TRIO: variants seen among roughly 807,000 people sequenced by gnomAD.
TRIO encodes the protein triple functional domain protein.
A neutral mutation model predicts 351.9 loss-of-function variants in TRIO; 58 were observed. The observed-to-expected ratio is 0.16, with a 90% CI of 0.13 to 0.21. The LOEUF is 0.21. TRIO is among the 10% of genes least tolerant of loss of function. The pLI is 1.00. For synonymous variants in TRIO, 1,758 were observed against 1,595.7 expected (o/e 1.10, Z -2.42); for missense variants, 3,201 against 4,027.8 (o/e 0.79, Z 5.56).
At chr5:14,441,545 G>T (rs1221605074) in intron 34 of TRIO, among the ~76,000 whole-genome samples, 2 of 152,266 alleles carry the variant, frequency 1.3e-5, no homozygotes, top group African/African-American at 4.8e-5. Context: ...TTATGGGGGG[G>T]CCACTGGGAA....
At chr5:14,395,795 C>G (rs1325856577) in intron 28 of TRIO, among the ~76,000 whole-genome samples, 2 of 152,258 alleles carry the variant, frequency 1.3e-5, no homozygotes, top group East Asian at 3.9e-4. Context: ...GCTGTAATCC[C>G]AGCACTTTGG....
In TRIO at chr5:14,508,258, G is replaced by A. The variant is rs1459826824; in HGVS notation, c.9130G>A (p.Ala3044Thr). The A allele has an allele frequency of 2.5e-6, 4 of 1,613,924 alleles. No homozygotes were observed. Among genetic ancestry groups the A allele is most frequent in the Middle Eastern group, 1.6e-4 (1 of 6,084 alleles). The change falls in exon 57 of 57, where the codon GCC becomes ACC. Residue 3044 changes from alanine to threonine, a missense_variant. Physicochemically the swap from Ala to Thr is moderately conservative, Grantham distance 58. This residue lies in a region of TRIO where 233 missense variants were observed against 292.6 expected (regional missense o/e 0.80). Transcript: ENST00000344204. ...DPAKRPSAAL[A>T]LQEQWLQAGN... The stretch of plus-strand genomic sequence containing the variant: ...CGCCAAGCGTCCCTCGGCTGCGCTG[G>A]CCCTCCAGGAGCAGTGGCTGCAGGC...
At chr5:14,335,643 G>A (rs1741331844) in intron 10 of TRIO, among the ~76,000 whole-genome samples, 1 of 152,148 alleles carries the variant, frequency 6.6e-6, no homozygotes, top group African/African-American at 2.4e-5. Context: ...GGCTACTTTA[G>A]AGCCATTATA....
intron 11 of TRIO, among the ~76,000 whole-genome samples, chr5:14,349,494 C>T (rs11959397): frequency 0.095 from 14,497 of 152,070 alleles, 1,073 homozygotes; most frequent in African/African-American, 0.21. Context: ...TTTGGAATCC[C>T]ACTGAAGCCG....
chr5:14,214,526 T>G (rs1792107901), intron 1 of TRIO, among the ~76,000 whole-genome samples: 1 of 152,164 alleles, frequency 6.6e-6, no homozygotes, highest in Non-Finnish European at 1.5e-5. Context: ...AACACACAGT[T>G]TTTTGCAAAG....
intron 36 of TRIO, among the ~76,000 whole-genome samples, 196 bp downstream of exon 36, chr5:14,463,121 A>C (rs1252124712): frequency 6.6e-6 from 1 of 152,252 alleles, no homozygotes; most frequent in East Asian, 1.9e-4. Flanking sequence ...TTAGAATAGC[A>C]GTAGGCCAGC....
intron 11 of TRIO, among the ~76,000 whole-genome samples, chr5:14,349,087 G>A (rs896752936): frequency 5.3e-5 from 8 of 150,190 alleles, no homozygotes; most frequent in African/African-American, 2.0e-4. Context: ...ACATGAGCAT[G>A]TGTGTTTTTC....
intron 34 of TRIO, among the ~76,000 whole-genome samples, chr5:14,443,458 G>A (rs1579669716): frequency 6.6e-6 from 1 of 152,116 alleles, no homozygotes; most frequent in East Asian, 1.9e-4. Context: ...TGATTATGGG[G>A]AAATACATAT....
chr5:14,354,088 T>TC (rs1419514745), intron 11 of TRIO, among the ~76,000 whole-genome samples: 7 of 152,052 alleles, frequency 4.6e-5, no homozygotes, highest in South Asian at 2.1e-4. Context: ...GGCCCAGACA[T>TC]CCCCGAGCTT....
chr5:14,193,192 A>G (rs1227028793), intron 1 of TRIO, among the ~76,000 whole-genome samples: 6 of 152,260 alleles, frequency 3.9e-5, no homozygotes, highest in Non-Finnish European at 5.9e-5. Flanking sequence ...GTAGTAGAGT[A>G]ATACTGAAGC....
At chr5:14,298,648 T>G (rs1361146021) in intron 7 of TRIO, among the ~76,000 whole-genome samples, 2 of 152,188 alleles carry the variant, frequency 1.3e-5, no homozygotes, top group Non-Finnish European at 2.9e-5. Context: ...CACAAGACAC[T>G]AATTAGCAGT....
intron 34 of TRIO, among the ~76,000 whole-genome samples, chr5:14,459,923 T>G (rs1274458524): frequency 6.6e-6 from 1 of 152,100 alleles, no homozygotes; most frequent in East Asian, 1.9e-4. Context: ...TTTTTCTTTT[T>G]TCTTTTTTTG....
At chr5:14,212,105 C>G (rs780057187) in intron 1 of TRIO, among the ~76,000 whole-genome samples, 2 of 152,064 alleles carry the variant, frequency 1.3e-5, no homozygotes, top group African/African-American at 4.8e-5. Context: ...TGTCACTGCA[C>G]TGCAGCCTGG....
Position 14,160,740 on chromosome 5 carries a change from T to C in TRIO, c.157+16858T>C, listed in dbSNP as rs533377549. 7.9e-5 allele frequency among the ~76,000 whole-genome samples: 12 copies of C among 152,360 alleles called. No individual in the cohort carries two copies. In the South Asian group the frequency reaches 1.9e-3, roughly 24 times the overall value. ...CTCCCATTTATCACACATTTACTGG[T>C]ACACGCCTATTTTACTTGTGTTACA... On this transcript the variant is annotated intron_variant, in intron 1 of 56. Coordinates refer to ENST00000344204, the MANE Select transcript of TRIO (RefSeq NM_007118.4).
At chr5:14,433,161 G>C (rs772871824) in intron 34 of TRIO, among the ~76,000 whole-genome samples, 22 of 152,192 alleles carry the variant, frequency 1.4e-4, no homozygotes, top group Non-Finnish European at 2.6e-4. Flanking sequence ...TGTTTGGTTT[G>C]TTAAAGAAAG....
At chr5:14,205,347 C>T (rs185987372) in intron 1 of TRIO, among the ~76,000 whole-genome samples, 2 of 152,264 alleles carry the variant, frequency 1.3e-5, no homozygotes, top group East Asian at 1.9e-4. Context: ...AAATAATTGT[C>T]CCCGTAATGT....
chr5:14,204,064 A>G (rs747848676), intron 1 of TRIO, among the ~76,000 whole-genome samples: 2 of 152,246 alleles, frequency 1.3e-5, no homozygotes, highest in Non-Finnish European at 2.9e-5. Context: ...AGACCTTGAT[A>G]AAAGTACTTG....
At chr5:14,293,561 A>G (rs1737089935) in intron 6 of TRIO, among the ~76,000 whole-genome samples, 1 of 152,178 alleles carries the variant, frequency 6.6e-6, no homozygotes, top group Non-Finnish European at 1.5e-5. Context: ...GGCACTAGCT[A>G]GTTCTCCTGA....
chr5:14,485,182 T>G lies in TRIO; in HGVS notation c.6771T>G (p.Ser2257Arg). Reference sequence around the variant, plus strand: ...TCATTTTGCATTCATCTAGTCCAAGTGTCCGGCAAACTTGGATCCATGAAA... The same window carrying G: ...TCATTTTGCATTCATCTAGTCCAAGGGTCCGGCAAACTTGGATCCATGAAA... ...ETFILHSSSP[S>R]VRQTWIHEIN... is the part of the protein sequence containing the mutation. Residue 2257 changes from serine (S) to arginine (R), a missense_variant, in exon 47 of 57, where the codon AGT becomes AGG. Ser to Arg is a moderately radical substitution (Grantham distance 110). Transcript: ENST00000344204. 1 of 1,590,168 alleles carries G rather than the reference T, an allele frequency of 6.3e-7. No homozygotes were observed.
Sources: allele counts gnomAD v4.1 joint callset (sites outside exome capture counted in the v4.1 genomes callset), GRCh38; gene constraint gnomAD v4.1.1; regional missense constraint gnomAD v4.1.1; transcripts MANE v1.5; gene names NCBI Gene and HGNC (gene_info 2026-07-23, HGNC 2026-07-21).